RALYL: variants seen among roughly 807,000 people sequenced by gnomAD.
RALYL encodes RALY RNA binding protein like, also known as RNA-binding Raly-like protein.
RALYL carries 29 observed loss-of-function variants against 35.1 expected under a neutral mutation model. The ratio of observed to expected loss-of-function variants is 0.83; its 90% CI spans 0.61 to 1.13. RALYL has a LOEUF of 1.13. Ranked by LOEUF, RALYL falls within the 50% of genes most tolerant of loss-of-function variation. The pLI, the probability that RALYL is intolerant of heterozygous loss-of-function variation, is 0.00. For missense variants in RALYL, 359 were observed against 360.4 expected (o/e 1.00, Z 0.03); for synonymous variants, 120 against 127.6 (o/e 0.94, Z 0.40).
chr8:84,300,655 A>G (rs1011347062), intron 1 of RALYL, among the ~76,000 whole-genome samples: 3 of 151,792 alleles, frequency 2.0e-5, no homozygotes, highest in African/African-American at 7.2e-5. Context: ...GCATAGTTTA[A>G]TTGAGCACTT....
chr8:84,312,990 G>A (rs955273660), intron 1 of RALYL, among the ~76,000 whole-genome samples: 3 of 152,214 alleles, frequency 2.0e-5, no homozygotes, highest in African/African-American at 4.8e-5. Flanking sequence ...CTTCTGCATG[G>A]ACATCCAGGC....
intron 7 of RALYL, among the ~76,000 whole-genome samples, chr8:84,876,062 G>GTACAT (rs1483029941): frequency 1.3e-5 from 2 of 152,110 alleles, no homozygotes; most frequent in Non-Finnish European, 2.9e-5. Context: ...TAAGCTCTCA[G>GTACAT]TACATTACTT....
intron 2 of RALYL, among the ~76,000 whole-genome samples, chr8:84,751,564 C>G (rs1810018359): frequency 6.6e-6 from 1 of 151,994 alleles, no homozygotes; most frequent in South Asian, 2.1e-4. Flanking sequence ...TGTGTCTGCC[C>G]AAATCTCATG....
At chr8:84,568,411 G>A (rs1191959840) in intron 2 of RALYL, among the ~76,000 whole-genome samples, 3 of 151,644 alleles carry the variant, frequency 2.0e-5, no homozygotes, top group Non-Finnish European at 4.4e-5. Flanking sequence ...AGTATTCCAT[G>A]GTGTGTATGT....
At chr8:84,814,800 T>C (rs1826792955) in intron 4 of RALYL, among the ~76,000 whole-genome samples, 1 of 152,130 alleles carries the variant, frequency 6.6e-6, no homozygotes, top group Admixed American at 6.5e-5. Flanking sequence ...ATAATGTCAT[T>C]GAGGGGGGAA....
intron 2 of RALYL, among the ~76,000 whole-genome samples, chr8:84,731,151 A>G (rs1319985652): frequency 1.3e-5 from 2 of 152,140 alleles, no homozygotes; most frequent in Non-Finnish European, 2.9e-5. Flanking sequence ...AGATACTATT[A>G]CTATCTCTAA....
chr8:84,571,368 T>G (rs2135787015), intron 2 of RALYL, among the ~76,000 whole-genome samples: 1 of 152,016 alleles, frequency 6.6e-6, no homozygotes, highest in African/African-American at 2.4e-5. Flanking sequence ...TAGAAATTTA[T>G]CCATTTCCTT....
intron 2 of RALYL, among the ~76,000 whole-genome samples, chr8:84,548,252 G>A (rs1320769): frequency 0.35 from 52,608 of 150,924 alleles, 9,416 homozygotes; most frequent in South Asian, 0.51. Flanking sequence ...TTCTGTGTTT[G>A]TTTGTTCACA....
intron 2 of RALYL, among the ~76,000 whole-genome samples, chr8:84,757,450 T>G (rs76090546): frequency 0.011 from 1,651 of 152,304 alleles, 28 homozygotes; most frequent in African/African-American, 0.038. Context: ...GTGCAGTTTG[T>G]ATATCTCTTA....
At chr8:84,914,396 G>A (rs1848100489) in intron 8 of RALYL, among the ~76,000 whole-genome samples, 1 of 151,922 alleles carries the variant, frequency 6.6e-6, no homozygotes, top group Admixed American at 6.6e-5. Context: ...CATAAATTAT[G>A]TGCCAAATAA....
intron 1 of RALYL, among the ~76,000 whole-genome samples, chr8:84,506,845 TA>T (rs150528333): frequency 0.012 from 1,757 of 152,180 alleles, 32 homozygotes; most frequent in African/African-American, 0.04. Flanking sequence ...CTGTGCACTT[TA>T]AATTTTCCAG....
At chr8:84,265,912 C>T (rs1833208483) in intron 1 of RALYL, among the ~76,000 whole-genome samples, 1 of 152,168 alleles carries the variant, frequency 6.6e-6, no homozygotes, top group African/African-American at 2.4e-5. Flanking sequence ...TCTTTCCTTT[C>T]CTGTACCCAC....
chr8:84,257,066 G>C (rs1035510117), intron 1 of RALYL, among the ~76,000 whole-genome samples: 1 of 151,068 alleles, frequency 6.6e-6, no homozygotes, highest in Admixed American at 6.6e-5. Context: ...ATTAAACCAA[G>C]ATTTTATATT....
chr8:84,295,666 A>C (rs1284086837), intron 1 of RALYL, among the ~76,000 whole-genome samples: 1 of 151,946 alleles, frequency 6.6e-6, no homozygotes, highest in Non-Finnish European at 1.5e-5. Flanking sequence ...CTCTCTTTTT[A>C]CTTGGACCAT....
chr8:84,654,270 C>CATAT (rs143309933), intron 2 of RALYL, among the ~76,000 whole-genome samples: 1,909 of 43,944 alleles, frequency 0.043, 148 homozygotes, highest in Non-Finnish European at 0.067. Context: ...TCTCATGTTC[C>CATAT]ATATATATAT....
At chr8:84,651,621 T>C (rs1828849371) in intron 2 of RALYL, among the ~76,000 whole-genome samples, 1 of 152,064 alleles carries the variant, frequency 6.6e-6, no homozygotes, top group African/African-American at 2.4e-5. Flanking sequence ...TACATAAATA[T>C]GTCATTTGAT....
intron 1 of RALYL, among the ~76,000 whole-genome samples, chr8:84,378,731 T>C (rs972683807): frequency 1.3e-5 from 2 of 151,860 alleles, no homozygotes; most frequent in African/African-American, 2.4e-5. Context: ...ACTTCTGTCC[T>C]TGAGACACTT....
At chr8:84,211,544 A>G (rs888444118) in intron 1 of RALYL, among the ~76,000 whole-genome samples, 2 of 152,148 alleles carry the variant, frequency 1.3e-5, no homozygotes, top group African/African-American at 2.4e-5. Context: ...TTACAATGTC[A>G]ATGATTAGCA....
chr8:84,498,394 T>G (rs1229060842), intron 1 of RALYL, among the ~76,000 whole-genome samples: 1 of 152,134 alleles, frequency 6.6e-6, no homozygotes, highest in Non-Finnish European at 1.5e-5. Context: ...ATTATTAAAT[T>G]GAATAATAAC....
Sources: allele counts gnomAD v4.1 joint callset (sites outside exome capture counted in the v4.1 genomes callset), GRCh38; gene constraint gnomAD v4.1.1; transcripts MANE v1.5; gene names NCBI Gene and HGNC (gene_info 2026-07-23, HGNC 2026-07-21).